Variants in GMDS observed in about 807,000 individuals in gnomAD.
The protein encoded by GMDS is GDP-mannose 4,6-dehydratase, also known as GDP-mannose 4,6 dehydratase.
Under a neutral mutation model 49.9 loss-of-function variants are expected in GMDS, and 20 were observed. The ratio of observed to expected loss-of-function variants is 0.40; its 90% CI spans 0.28 to 0.58. The LOEUF (loss-of-function observed/expected upper bound fraction) is 0.58. Among genes scored for constraint, GMDS ranks in the 20% least tolerant of loss-of-function variants. The probability of loss-of-function intolerance (pLI) is 0.42; values close to 1 mark genes in which losing one functional copy is unlikely to be tolerated. For synonymous variants in GMDS, 177 were observed against 178.6 expected, an observed-to-expected ratio of 0.99 and a Z score of 0.07; for missense variants, 362 against 481.4, an observed-to-expected ratio of 0.75 and a Z score of 2.32.
intron 7 of GMDS, among the ~76,000 whole-genome samples, chr6:1,894,182 T>C (rs1001540096): frequency 1.3e-5 from 2 of 152,230 alleles, no homozygotes; most frequent in East Asian, 1.9e-4. Context: ...CAAAAAGTTA[T>C]TGATCAATTT....
In GMDS at chr6:2,098,094, C is replaced by T. The variant is rs567707433; in HGVS notation, c.345+17677G>A. Among the ~76,000 whole-genome samples the T allele has an allele frequency of 3.2e-3, 490 of 151,934 alleles. 2 individuals are homozygous for T. The highest frequency in any genetic ancestry group is 0.012 in the African/African-American group (477 of 41,438). On this transcript the variant is annotated intron_variant, in intron 4 of 10. Transcript: ENST00000380815. ...TTTTTTTGAGACGAAATCTCTTTAT[C>T]GCCCAGGCTGGTGTGCAGTGGCACG...
At chr6:2,022,646 A>C (rs1157807841) in intron 4 of GMDS, among the ~76,000 whole-genome samples, 1 of 152,222 alleles carries the variant, frequency 6.6e-6, no homozygotes, top group Non-Finnish European at 1.5e-5. Flanking sequence ...GTTATTATCT[A>C]TACCCAAGGT....
rs150110726 is a variant in GMDS at position 1,859,074 on chromosome 6, C to T, written c.771+71029G>A. On this transcript the variant is annotated intron_variant, in intron 7 of 10. Transcript: ENST00000380815. ...GGTCTGTGCTTTGTTTGCAGTCAGACCTGCACAGAGATGGTGCTTCCAGCC... is the reference window on the plus strand; with the variant it reads ...GGTCTGTGCTTTGTTTGCAGTCAGATCTGCACAGAGATGGTGCTTCCAGCC... Among the ~76,000 whole-genome samples the T allele has an allele frequency of 4.6e-3, 702 of 152,228 alleles. 4 individuals are homozygous for T. The highest frequency in any genetic ancestry group is 0.016 in the African/African-American group (663 of 41,542).
intron 7 of GMDS, among the ~76,000 whole-genome samples, chr6:1,867,254 T>C (rs957216311): frequency 1.1e-4 from 17 of 152,222 alleles, no homozygotes. Context: ...TAGGGTCAAC[T>C]AAGGATTACT....
intron 2 of GMDS, among the ~76,000 whole-genome samples, chr6:2,118,668 T>C (rs1009367808): frequency 6.6e-6 from 1 of 152,198 alleles, no homozygotes; most frequent in Non-Finnish European, 1.5e-5. Context: ...TTCTGTTGGT[T>C]AGTTGCTTTG....
At chr6:1,655,332 G>C (rs946614825) in intron 9 of GMDS, among the ~76,000 whole-genome samples, 2 of 152,032 alleles carry the variant, frequency 1.3e-5, no homozygotes, top group South Asian at 2.1e-4. Context: ...CGTGGGTTCT[G>C]ATTATTCTTT....
In GMDS at chr6:1,875,777, G is replaced by A. The variant is rs563842897; in HGVS notation, c.771+54326C>T. On this transcript the variant is annotated intron_variant, in intron 7 of 10. Transcript: ENST00000380815. Reference sequence around the variant, plus strand: ...GTGGTGGCTCACACCCGTAATCCCAGCACTTTGGGAGGCTGAGGGCAGCGC... The same window carrying A: ...GTGGTGGCTCACACCCGTAATCCCAACACTTTGGGAGGCTGAGGGCAGCGC... 1.2e-3 allele frequency among the ~76,000 whole-genome samples: 182 copies of A among 152,158 alleles called. 1 individual carries two copies. The South Asian group carries it at 0.02, about 17-fold the overall frequency.
chr6:2,039,695 C>T (rs1769536427), intron 4 of GMDS, among the ~76,000 whole-genome samples: 1 of 152,034 alleles, frequency 6.6e-6, no homozygotes, highest in Admixed American at 6.6e-5. Context: ...ACGTCTTCTC[C>T]TGCTGGAAGG....
At chr6:1,861,620 AAAAAAAAAAAAAG>A (rs1055581673) in intron 7 of GMDS, among the ~76,000 whole-genome samples, 2 of 143,528 alleles carry the variant, frequency 1.4e-5, no homozygotes, top group African/African-American at 5.0e-5. Context: ...CTTTCTCCCA[AAAAAAAAAAAAAG>A]AAAAAAAAAT....
chr6:1,872,048 A>G lies in GMDS; in HGVS notation c.771+58055T>C, dbSNP rs143274698. Among the ~76,000 whole-genome samples, 57 of 152,304 alleles carry G rather than the reference A, an allele frequency of 3.7e-4. No homozygotes were observed. In the East Asian group the frequency reaches 0.011, roughly 29 times the overall value. On this transcript the variant is annotated intron_variant, in intron 7 of 10. Transcript: ENST00000380815. ...ATCCTCCTTTCCCTATTACTGGACA[A>G]TTACTTTCTCAGATCCCCTCTTTCA...
chr6:2,133,830 A>G (rs1775862338), intron 1 of GMDS, among the ~76,000 whole-genome samples: 1 of 152,216 alleles, frequency 6.6e-6, no homozygotes, highest in African/African-American at 2.4e-5. Flanking sequence ...GCCCAAGGAT[A>G]TATCAAATTT....
Position 2,085,460 on chromosome 6 carries a change from T to C in GMDS, c.345+30311A>G, listed in dbSNP as rs527629803. On this transcript the variant is annotated intron_variant, in intron 4 of 10. Transcript: ENST00000380815. ...TTGTCTGTGCACCTTACCTTACACA[T>C]TTAGCAGTCATATGCACTTCCTTCC... 4.5e-4 allele frequency among the ~76,000 whole-genome samples: 69 copies of C among 152,338 alleles called. 1 individual carries two copies. The highest frequency in any genetic ancestry group is 1.6e-3 in the African/African-American group (66 of 41,584).
chr6:2,096,998 T>C (rs376638759), intron 4 of GMDS, among the ~76,000 whole-genome samples: 3 of 152,070 alleles, frequency 2.0e-5, no homozygotes, highest in Non-Finnish European at 2.9e-5. Flanking sequence ...TAAAGACAGA[T>C]ATATAATATG....
At chr6:2,062,454 C>G (rs765807443) in intron 4 of GMDS, among the ~76,000 whole-genome samples, 24 of 152,076 alleles carry the variant, frequency 1.6e-4, no homozygotes, top group Non-Finnish European at 2.8e-4. Flanking sequence ...CACTTAAGAT[C>G]ACTGGGACTG....
At chr6:2,228,872 A>C (rs1052317498) in intron 1 of GMDS, among the ~76,000 whole-genome samples, 1 of 152,216 alleles carries the variant, frequency 6.6e-6, no homozygotes, top group Non-Finnish European at 1.5e-5. Flanking sequence ...AGTGAGTAAA[A>C]TAAGGCTCCA....
intron 1 of GMDS, among the ~76,000 whole-genome samples, chr6:2,192,238 T>G (rs1779057350): frequency 6.6e-6 from 1 of 152,102 alleles, no homozygotes; most frequent in Non-Finnish European, 1.5e-5. Flanking sequence ...AGCTACCCTC[T>G]CTGCTAGGAG....
At chr6:1,748,186 G>A (rs1405155948) in intron 7 of GMDS, among the ~76,000 whole-genome samples, 2 of 152,208 alleles carry the variant, frequency 1.3e-5, no homozygotes, top group South Asian at 2.1e-4. Context: ...ATATAAAATC[G>A]AACAGCTCCT....
chr6:1,690,641 C>T (rs112433198), intron 9 of GMDS, among the ~76,000 whole-genome samples: 29 of 152,124 alleles, frequency 1.9e-4, no homozygotes, highest in African/African-American at 4.8e-4. Flanking sequence ...AGAGTCTACA[C>T]GGAACCTAAA....
At chr6:1,941,364 C>T (rs1282504081) in intron 6 of GMDS, among the ~76,000 whole-genome samples, 3 of 151,086 alleles carry the variant, frequency 2.0e-5, no homozygotes, top group Admixed American at 6.6e-5. Context: ...TACACTGATG[C>T]TATAATGTTT....
Sources: allele counts gnomAD v4.1 joint callset (sites outside exome capture counted in the v4.1 genomes callset), GRCh38; gene constraint gnomAD v4.1.1; transcripts MANE v1.5; gene names NCBI Gene and HGNC (gene_info 2026-07-23, HGNC 2026-07-21).